Variants in MAN1C1 observed in about 807,000 individuals in gnomAD.
MAN1C1 encodes the protein mannosyl-oligosaccharide 1,2-alpha-mannosidase IC.
MAN1C1 carries 49 observed loss-of-function variants against 71.5 expected under a neutral mutation model. The ratio of observed to expected loss-of-function variants is 0.69; its 90% confidence interval spans 0.54 to 0.87. The LOEUF is 0.87. Among genes scored for constraint, MAN1C1 ranks in the 40% least tolerant of loss-of-function variants. The probability of loss-of-function intolerance (pLI) is 0.00; values close to 1 mark genes in which losing one functional copy is unlikely to be tolerated. For missense variants in MAN1C1, 743 were observed against 835.0 expected (o/e 0.89, Z 1.36); for synonymous variants, 352 against 343.7 (o/e 1.02, Z -0.27).
At chr1:25,693,412 C>T (rs2046332211) in intron 2 of MAN1C1, among the ~76,000 whole-genome samples, 1 of 152,082 alleles carries the variant, frequency 6.6e-6, no homozygotes, top group Admixed American at 6.6e-5. Context: ...GGCAGAGCCC[C>T]TGAGGTCAGG....
At chr1:25,626,334 T>C (rs1374673945) in intron 1 of MAN1C1, among the ~76,000 whole-genome samples, 1 of 152,132 alleles carries the variant, frequency 6.6e-6, no homozygotes, top group Admixed American at 6.6e-5. Context: ...GTCCTTTTCA[T>C]GTGTTTATTT....
intron 1 of MAN1C1, among the ~76,000 whole-genome samples, chr1:25,632,187 G>A (rs190987367): frequency 3.2e-4 from 48 of 152,286 alleles, no homozygotes; most frequent in African/African-American, 8.9e-4. Flanking sequence ...CTTGCTGCTT[G>A]TTATTGGTCT....
At position 25,735,949 on chromosome 1, in the gene MAN1C1, A is replaced by G. The variant is rs2046977716; in HGVS notation, c.638-10719A>G. 6.6e-6 allele frequency among the ~76,000 whole-genome samples: 1 copy of G among 152,192 alleles called. No homozygotes were observed. The highest frequency in any genetic ancestry group is 1.5e-5 in the Non-Finnish European group (1 of 68,030). On this transcript the variant is annotated intron_variant, in intron 2 of 11. Transcript: ENST00000374332. The surrounding 1 kb of genome is among the most constrained non-coding windows in gnomAD (Gnocchi z 4.6). ...AGTTACATGGAAAAGCACAAGGTTAATGGGATAGGGATATTTACTCCTCCC... is the reference window on the plus strand; with the variant it reads ...AGTTACATGGAAAAGCACAAGGTTAGTGGGATAGGGATATTTACTCCTCCC...
At chr1:25,700,129 TTTG>T (rs1192814374) in intron 2 of MAN1C1, among the ~76,000 whole-genome samples, 4 of 152,196 alleles carry the variant, frequency 2.6e-5, no homozygotes, top group African/African-American at 9.6e-5. Flanking sequence ...CCCTTGTTTT[TTTG>T]TTGTTGTTTT....
At chr1:25,620,475 G>T (rs2045190848) in intron 1 of MAN1C1, among the ~76,000 whole-genome samples, 1 of 152,184 alleles carries the variant, frequency 6.6e-6, no homozygotes. Flanking sequence ...GTTGTTAACA[G>T]TTACCATTCC....
intron 1 of MAN1C1, among the ~76,000 whole-genome samples, chr1:25,669,413 A>G (rs1475931253): frequency 6.6e-6 from 1 of 152,158 alleles, no homozygotes; most frequent in Non-Finnish European, 1.5e-5. Flanking sequence ...ATGGAAGATT[A>G]AATGAGATAA....
chr1:25,724,728 C>T (rs563060532), intron 2 of MAN1C1, among the ~76,000 whole-genome samples: 3 of 152,244 alleles, frequency 2.0e-5, no homozygotes, highest in East Asian at 1.9e-4. Flanking sequence ...ACCCCAGCCT[C>T]GATTATTTTC....
chr1:25,668,158 G>A (rs1281358745), intron 1 of MAN1C1, among the ~76,000 whole-genome samples: 1 of 152,144 alleles, frequency 6.6e-6, no homozygotes, highest in Non-Finnish European at 1.5e-5. Context: ...GCATTTCTCA[G>A]GCTATAAATG....
intron 2 of MAN1C1, among the ~76,000 whole-genome samples, chr1:25,713,910 G>A (rs987474525): frequency 7.9e-5 from 12 of 152,122 alleles, no homozygotes; most frequent in Non-Finnish European, 1.5e-4. Flanking sequence ...GAGCTTCCGA[G>A]GGAGTTAAAT....
At chr1:25,741,350 C>T (rs1197667481) in intron 2 of MAN1C1, among the ~76,000 whole-genome samples, 2 of 152,286 alleles carry the variant, frequency 1.3e-5, no homozygotes, top group East Asian at 3.9e-4. Flanking sequence ...GGCAGAGCCC[C>T]AGGGCACCCC....
intron 2 of MAN1C1, among the ~76,000 whole-genome samples, chr1:25,697,291 T>C (rs1273170103): frequency 6.6e-6 from 1 of 152,214 alleles, no homozygotes; most frequent in Non-Finnish European, 1.5e-5. Context: ...TCATACTGTA[T>C]CTGGTCTTTT....
chr1:25,729,811 G>C (rs2046885658), intron 2 of MAN1C1, among the ~76,000 whole-genome samples: 2 of 152,088 alleles, frequency 1.3e-5, no homozygotes, highest in Non-Finnish European at 2.9e-5. Context: ...TGCCTGGCCA[G>C]GCATCCCATT....
At chr1:25,758,538 G>T in intron 5 of MAN1C1, 54 bp from the exon 6 acceptor site, 1 of 1,503,772 alleles carries the variant, frequency 6.6e-7, no homozygotes, top group South Asian at 1.1e-5. Context: ...ACTGTCAGCA[G>T]AGGAGCCAGC....
chr1:25,684,587 T>G (rs895381529), intron 1 of MAN1C1, among the ~76,000 whole-genome samples: 11 of 152,078 alleles, frequency 7.2e-5, no homozygotes, highest in African/African-American at 2.7e-4. Flanking sequence ...TCACGGAGAG[T>G]CCAGGCCATG....
At chr1:25,733,799 T>G (rs1243092977) in intron 2 of MAN1C1, among the ~76,000 whole-genome samples, 3 of 151,436 alleles carry the variant, frequency 2.0e-5, no homozygotes, top group African/African-American at 7.3e-5. Flanking sequence ...ATTTATTATT[T>G]TTATTTTTAT....
chr1:25,690,504 G>T (rs1433685797), intron 2 of MAN1C1, among the ~76,000 whole-genome samples: 1 of 152,156 alleles, frequency 6.6e-6, no homozygotes, highest in Admixed American at 6.5e-5. Context: ...TGTTGGTCAG[G>T]CTTGTCTCAA....
chr1:25,667,312 G>A (rs1215766821), intron 1 of MAN1C1, among the ~76,000 whole-genome samples: 4 of 151,312 alleles, frequency 2.6e-5, no homozygotes, highest in Admixed American at 1.3e-4. Context: ...GGTGAAGCCC[G>A]GTCTCTACTA....
chr1:25,783,870 G>T lies in MAN1C1; in HGVS notation c.*81G>T. The T allele has an allele frequency of 6.6e-7, 1 of 1,524,818 alleles. No individual in the cohort carries two copies. Among genetic ancestry groups the T allele is most frequent in the South Asian group, 1.2e-5 (1 of 85,236 alleles). 94.5% of individuals were successfully genotyped at this position (1,524,818 alleles called of 1,614,324 possible). On this transcript the variant is annotated 3_prime_UTR_variant, in exon 12 of 12. Coordinates refer to ENST00000374332, the MANE Select transcript of MAN1C1 (RefSeq NM_020379.4). ...ATTTGAGACTGTTCTCAAAGGGATT[G>T]GGAACGAAGGCCCCATCTCGGGCAG...
At chr1:25,681,645 C>A (rs2046156327) in intron 1 of MAN1C1, among the ~76,000 whole-genome samples, 3 of 152,190 alleles carry the variant, frequency 2.0e-5, no homozygotes, top group South Asian at 4.1e-4. Flanking sequence ...AACTTTTCTG[C>A]ACAGGTCCGT....
Sources: gnomAD v4.1 joint callset for allele counts (sites outside exome capture counted in the v4.1 genomes callset) on GRCh38, gnomAD v4.1.1 for gene constraint, Gnocchi (gnomAD v3.1) non-coding constraint, MANE v1.5 for transcripts, NCBI Gene and HGNC (gene_info 2026-07-23, HGNC 2026-07-21) for gene names.